The following ADAM19 variants were observed in gnomAD, a reference collection of about 807,000 sequenced individuals.
ADAM19 encodes disintegrin and metalloproteinase domain-containing protein 19.
A neutral mutation model predicts 114.7 loss-of-function variants in ADAM19; 65 were observed. That is an observed-to-expected ratio of 0.57 (90% CI 0.46 to 0.70). ADAM19 has a LOEUF of 0.70. ADAM19 is among the 30% of genes least tolerant of loss of function. ADAM19 has a pLI of 0.00. For synonymous variants in ADAM19, 466 were observed against 460.5 expected, an observed-to-expected ratio of 1.01 and a Z score of -0.15; for missense variants, 1,063 against 1,204.7, an observed-to-expected ratio of 0.88 and a Z score of 1.74.
At chr5:157,570,085 A>T (rs1241749618) in intron 2 of ADAM19, among the ~76,000 whole-genome samples, 1 of 151,984 alleles carries the variant, frequency 6.6e-6, no homozygotes, top group Non-Finnish European at 1.5e-5. Context: ...CATGGTGAAA[A>T]CCCATCTCTA....
intron 5 of ADAM19, among the ~76,000 whole-genome samples, chr5:157,530,478 TGGCACAGCCGG>T (rs1756594375): frequency 2.6e-5 from 4 of 152,174 alleles, no homozygotes; most frequent in African/African-American, 9.7e-5. Context: ...CCGCCCCCCA[TGGCACAGCCGG>T]GCCCCTCCCT....
At chr5:157,481,407 C>T (rs1172467003) in intron 22 of ADAM19, 5 of 613,788 alleles carry the variant, frequency 8.1e-6, no homozygotes, top group Admixed American at 3.1e-5. Context: ...CACAGCCTCC[C>T]GCAGGCCAGG....
chr5:157,512,834 C>G (rs918934229), intron 8 of ADAM19, among the ~76,000 whole-genome samples: 1 of 152,180 alleles, frequency 6.6e-6, no homozygotes, highest in African/African-American at 2.4e-5. Flanking sequence ...CTCAAGCAAC[C>G]CACTTCTCAA....
At chr5:157,525,666 GA>G (rs1244799207) in intron 5 of ADAM19, among the ~76,000 whole-genome samples, 4 of 152,018 alleles carry the variant, frequency 2.6e-5, no homozygotes, top group African/African-American at 9.6e-5. Flanking sequence ...CAAAGACAAG[GA>G]AAAAATTTAA....
At chr5:157,575,377 G>A (rs1373790793) in intron 1 of ADAM19, among the ~76,000 whole-genome samples, 1 of 152,222 alleles carries the variant, frequency 6.6e-6, no homozygotes, top group Non-Finnish European at 1.5e-5. Context: ...GCCAGTGAGC[G>A]GACCGGCTGT....
intron 12 of ADAM19, among the ~76,000 whole-genome samples, chr5:157,500,612 C>T (rs1313989209): frequency 6.6e-6 from 1 of 152,146 alleles, no homozygotes; most frequent in Non-Finnish European, 1.5e-5. Context: ...GTGCAAGAGT[C>T]TGCTGGAACA....
At chr5:157,532,185 A>G (rs953946675) in intron 4 of ADAM19, among the ~76,000 whole-genome samples, 3 of 152,038 alleles carry the variant, frequency 2.0e-5, no homozygotes, top group African/African-American at 4.8e-5. Context: ...CTCCATCACT[A>G]CAAACAGCTG....
intron 21 of ADAM19, among the ~76,000 whole-genome samples, chr5:157,484,850 A>T (rs1754882511): frequency 6.6e-6 from 1 of 152,168 alleles, no homozygotes; most frequent in Non-Finnish European, 1.5e-5. Flanking sequence ...CTCCCAAGGG[A>T]GCTGTGCAAA....
intron 21 of ADAM19, among the ~76,000 whole-genome samples, chr5:157,487,456 C>T (rs1351458956): frequency 1.3e-5 from 2 of 152,208 alleles, no homozygotes; most frequent in Non-Finnish European, 2.9e-5. Flanking sequence ...CTCTGGATTA[C>T]ACCCAGAGAA....
At chr5:157,534,159 T>C (rs1240354284) in intron 4 of ADAM19, among the ~76,000 whole-genome samples, 1 of 151,998 alleles carries the variant, frequency 6.6e-6, no homozygotes, top group African/African-American at 2.4e-5. Flanking sequence ...TGATGACACC[T>C]ACAACTTACT....
In ADAM19 at chr5:157,478,821, T is replaced by A; in HGVS notation, c.*2128A>T. The A allele has an allele frequency of 1.0e-6, 1 of 985,866 alleles. No homozygotes were observed. The highest frequency in any genetic ancestry group is 1.2e-6 in the Non-Finnish European group (1 of 829,962). The allele number at this position is 985,866 out of a possible 1,614,324, so 61.1% of individuals were successfully genotyped here. On this transcript the variant is annotated 3_prime_UTR_variant, in exon 23 of 23. Coordinates refer to ENST00000257527, the MANE Select transcript of ADAM19 (RefSeq NM_033274.5). ...AACCCAGGTCTCTTTCTGGTGTGGT[T>A]CCAGGGAGGGTGGACTGCAGGTTCA...
Position 157,534,468 on chromosome 5 carries a change from A to AAAAC in ADAM19, c.330+3441_330+3444dup, listed in dbSNP as rs937051074. On this transcript the variant is annotated intron_variant, in intron 4 of 22. Transcript: ENST00000257527. Reference sequence around the variant, plus strand: ...GGGCAACAGAGTGAGACTGTGTCTCAAAACAAACAAACAAACAAACAAAAC... The same window carrying AAAAC: ...GGGCAACAGAGTGAGACTGTGTCTCAAAACAAACAAACAAACAAACAAACAAAAC... Among the ~76,000 whole-genome samples, 14 of 152,268 alleles carry AAAAC rather than the reference A, an allele frequency of 9.2e-5. No homozygotes were observed. In the East Asian group the frequency reaches 1.2e-3, roughly 13 times the overall value.
intron 14 of ADAM19, 142 bp downstream of exon 14, chr5:157,496,752 T>C: frequency 1.5e-6 from 1 of 675,692 alleles, no homozygotes; most frequent in Non-Finnish European, 2.3e-6. Flanking sequence ...TCCCTGAACA[T>C]CTACCCTGAG....
intron 7 of ADAM19, among the ~76,000 whole-genome samples, chr5:157,514,118 C>G (rs536646375): frequency 6.6e-6 from 1 of 152,246 alleles, no homozygotes; most frequent in African/African-American, 2.4e-5. Flanking sequence ...GAGTATAGAA[C>G]TGAAATGGTT....
intron 4 of ADAM19, among the ~76,000 whole-genome samples, chr5:157,531,607 C>A (rs922461734): frequency 1.1e-4 from 16 of 151,232 alleles, no homozygotes; most frequent in African/African-American, 3.4e-4. Flanking sequence ...ATGGAGGCTG[C>A]GGTGAGCCAA....
intron 2 of ADAM19, chr5:157,566,852 G>A (rs1561560289): frequency 6.6e-6 from 1 of 152,140 alleles, no homozygotes; most frequent in Non-Finnish European, 1.5e-5. Context: ...TAAATTTTTT[G>A]TAGATACTGG....
chr5:157,503,593 G>A (rs558532557), intron 11 of ADAM19, among the ~76,000 whole-genome samples: 1 of 152,246 alleles, frequency 6.6e-6, no homozygotes, highest in East Asian at 1.9e-4. Flanking sequence ...TGAGAATCAG[G>A]AGTAGCAATT....
chr5:157,563,021 C>T (rs1009470324), intron 3 of ADAM19, among the ~76,000 whole-genome samples: 27 of 151,948 alleles, frequency 1.8e-4, no homozygotes, highest in Admixed American at 1.5e-3. Context: ...ACAAAGCTGC[C>T]GTGAGCAACA....
chr5:157,511,798 C>G (rs1338868670), intron 8 of ADAM19, among the ~76,000 whole-genome samples: 1 of 152,168 alleles, frequency 6.6e-6, no homozygotes, highest in Non-Finnish European at 1.5e-5. Flanking sequence ...TTCCCTTACC[C>G]GCCAGGAGTG....
Sources: allele counts gnomAD v4.1 joint callset (sites outside exome capture counted in the v4.1 genomes callset), GRCh38; gene constraint gnomAD v4.1.1; transcripts MANE v1.5; gene names NCBI Gene and HGNC (gene_info 2026-07-23, HGNC 2026-07-21).